Variants in MLIP observed in about 807,000 individuals in gnomAD.
The protein encoded by MLIP is muscular LMNA-interacting protein.
MLIP carries 79 observed loss-of-function variants against 84.8 expected under a neutral mutation model. That is an observed-to-expected ratio of 0.93 (90% CI 0.78 to 1.12). MLIP has a LOEUF of 1.12. Among genes scored for constraint, MLIP ranks in the 50% most tolerant of loss-of-function variants. The pLI is 0.00. For missense variants in MLIP, 1,257 were observed against 1,160.6 expected (o/e 1.08, Z -1.21); for synonymous variants, 504 against 463.0 (o/e 1.09, Z -1.14).
rs67803711 is a variant in MLIP at position 54,266,031 on chromosome 6, CTTT to C, written c.*88_*90del. ...GGTGCTAACCACTTGCTAGATTTAACTTTTTTTTTTTTTTCCAGAATGAGTGCT... is the reference window on the plus strand; with the variant it reads ...GGTGCTAACCACTTGCTAGATTTAACTTTTTTTTTTTCCAGAATGAGTGCT... On this transcript the variant is annotated 3_prime_UTR_variant, in exon 14 of 14. Coordinates refer to ENST00000502396, the MANE Select transcript of MLIP (RefSeq NM_001281747.2). 214 of 1,208,720 alleles carry C rather than the reference CTTT, an allele frequency of 1.8e-4. No homozygotes were observed. The highest frequency in any genetic ancestry group is 6.2e-4 in the African/African-American group (39 of 62,768). 74.9% of individuals were successfully genotyped at this position (1,208,720 alleles called of 1,614,324 possible). A position where few individuals can be genotyped will look rare whatever the true frequency, so the allele number is the denominator to read the frequency against.
intron 12 of MLIP, among the ~76,000 whole-genome samples, chr6:54,249,137 A>C (rs1048781609): frequency 6.6e-6 from 1 of 152,076 alleles, no homozygotes; most frequent in African/African-American, 2.4e-5. Flanking sequence ...CTGAGGTAGC[A>C]TCAGTTATCA....
At chr6:54,142,634 A>T (rs185545299) in intron 4 of MLIP, among the ~76,000 whole-genome samples, 47 of 152,214 alleles carry the variant, frequency 3.1e-4, no homozygotes, top group Middle Eastern at 6.8e-3. Flanking sequence ...TTAGTCTTTG[A>T]TTTTTACTTT....
intron 1 of MLIP, among the ~76,000 whole-genome samples, chr6:54,074,976 C>T (rs575179468): frequency 1.3e-5 from 2 of 151,978 alleles, no homozygotes; most frequent in East Asian, 1.9e-4. Flanking sequence ...TGGCCAGGCG[C>T]GGTGGTTCAC....
intron 12 of MLIP, among the ~76,000 whole-genome samples, chr6:54,232,110 T>C (rs1400008806): frequency 6.6e-6 from 1 of 151,982 alleles, no homozygotes; most frequent in Non-Finnish European, 1.5e-5. Flanking sequence ...TGAGAGAAAA[T>C]ATAATATTTT....
upstream of MLIP, among the ~76,000 whole-genome samples, chr6:54,108,497 T>C (rs187077302): frequency 2.3e-3 from 357 of 152,356 alleles, no homozygotes; most frequent in Admixed American, 3.6e-3. Flanking sequence ...TTTGAAGCTA[T>C]ATGTAGTTAC....
At chr6:54,041,446 G>C (rs904516177) in intron 1 of MLIP, among the ~76,000 whole-genome samples, 6 of 152,038 alleles carry the variant, frequency 3.9e-5, no homozygotes, top group African/African-American at 1.4e-4. Context: ...ATAACTAGGA[G>C]AGGACTTTCT....
intron 1 of MLIP, 137 bp downstream of exon 1, chr6:54,111,712 T>A (rs1043867281): frequency 8.8e-6 from 8 of 907,310 alleles, no homozygotes; most frequent in Non-Finnish European, 1.3e-5. Flanking sequence ...TGAAATGCTA[T>A]CTTCACTTAG....
chr6:54,028,281 C>T (rs1015295034), intron 1 of MLIP, among the ~76,000 whole-genome samples: 1 of 152,086 alleles, frequency 6.6e-6, no homozygotes, highest in African/African-American at 2.4e-5. Context: ...ACACCCCCCT[C>T]CACCCCCAGC....
chr6:54,213,385 A>T (rs1375524905), intron 11 of MLIP, among the ~76,000 whole-genome samples: 1 of 152,186 alleles, frequency 6.6e-6, no homozygotes, highest in Non-Finnish European at 1.5e-5. Flanking sequence ...TTGTAACACT[A>T]AAAGGTTGTA....
At chr6:54,202,607 T>C (rs1207226692) in intron 11 of MLIP, among the ~76,000 whole-genome samples, 1 of 152,082 alleles carries the variant, frequency 6.6e-6, no homozygotes, top group African/African-American at 2.4e-5. Context: ...AAAATCCTGC[T>C]TCCAGCTGGA....
chr6:54,019,689 T>C (rs1034517632), intron 1 of MLIP, among the ~76,000 whole-genome samples: 2 of 152,198 alleles, frequency 1.3e-5, no homozygotes, highest in Non-Finnish European at 2.9e-5. Flanking sequence ...CTGATGAGCA[T>C]AGGTCACTAA....
intron 12 of MLIP, among the ~76,000 whole-genome samples, chr6:54,239,270 T>A (rs2150830111): frequency 6.6e-6 from 1 of 151,442 alleles, no homozygotes; most frequent in Non-Finnish European, 1.5e-5. Flanking sequence ...GGTCAGGGCA[T>A]GACCTTTAAG....
chr6:54,098,150 T>TTA (rs200758320), intron 1 of MLIP, among the ~76,000 whole-genome samples: 1 of 93,420 alleles, frequency 1.1e-5, no homozygotes, highest in African/African-American at 4.9e-5. Context: ...TTTTCTTTCT[T>TTA]TTTTTTTTTT....
chr6:54,097,571 T>C (rs1046776348), intron 1 of MLIP, among the ~76,000 whole-genome samples: 5 of 152,120 alleles, frequency 3.3e-5, no homozygotes, highest in Admixed American at 1.3e-4. Flanking sequence ...TAAAATCTAG[T>C]GTCTTGAAAA....
At chr6:54,162,583 G>C (rs1774760425) in intron 8 of MLIP, among the ~76,000 whole-genome samples, 1 of 151,932 alleles carries the variant, frequency 6.6e-6, no homozygotes, top group African/African-American at 2.4e-5. Flanking sequence ...GTCTGGATAG[G>C]GTGGGTTCAG....
At chr6:54,115,121 G>A (rs566617064) in intron 1 of MLIP, among the ~76,000 whole-genome samples, 125 of 152,264 alleles carry the variant, frequency 8.2e-4, no homozygotes, top group African/African-American at 2.9e-3. Context: ...TTGTTGGGCA[G>A]CATTGAAAAG....
At chr6:54,252,047 TA>T (rs1473106317) in intron 12 of MLIP, among the ~76,000 whole-genome samples, 1 of 93,972 alleles carries the variant, frequency 1.1e-5, no homozygotes, top group East Asian at 3.4e-4. Context: ...ATATAATATA[TA>T]ATATAAATAT....
At chr6:54,134,980 G>A (rs1170006080) in intron 3 of MLIP, among the ~76,000 whole-genome samples, 1 of 149,986 alleles carries the variant, frequency 6.7e-6, no homozygotes, top group Non-Finnish European at 1.5e-5. Context: ...ACTTTTCTTT[G>A]TGGTAAAAAA....
At chr6:54,050,030 G>A (rs1273117195) in intron 1 of MLIP, among the ~76,000 whole-genome samples, 1 of 151,942 alleles carries the variant, frequency 6.6e-6, no homozygotes, top group Non-Finnish European at 1.5e-5. Context: ...TTGCAAAGTG[G>A]GTAGAGAGGG....
Sources: allele counts gnomAD v4.1 joint callset (sites outside exome capture counted in the v4.1 genomes callset), GRCh38; gene constraint gnomAD v4.1.1; transcripts MANE v1.5; gene names NCBI Gene and HGNC (gene_info 2026-07-23, HGNC 2026-07-21).